MYH2: variants seen among roughly 807,000 people sequenced by gnomAD.
MYH2 encodes myosin-2.
Under a neutral mutation model 228.1 loss-of-function variants are expected in MYH2, and 139 were observed. The ratio of observed to expected loss-of-function variants is 0.61; its 90% CI spans 0.53 to 0.70. The LOEUF (loss-of-function observed/expected upper bound fraction) is 0.70, where lower values mean the gene tolerates loss of function less well. MYH2 is among the 30% of genes least tolerant of loss of function. The pLI, the probability that MYH2 is intolerant of heterozygous loss-of-function variation, is 0.00. For missense variants in MYH2, 1,809 were observed against 2,357.5 expected (o/e 0.77, Z 4.82); for synonymous variants, 796 against 871.1 (o/e 0.91, Z 1.52).
chr17:10,542,256 A>G (rs1046521516), intron 10 of MYH2, among the ~76,000 whole-genome samples: 4 of 149,578 alleles, frequency 2.7e-5, no homozygotes, highest in Non-Finnish European at 5.9e-5. Flanking sequence ...CCTGGGTGAC[A>G]AAGTGAGACT....
intron 4 of MYH2, among the ~76,000 whole-genome samples, chr17:10,546,929 GA>G (rs35429711): frequency 0.058 from 8,326 of 143,490 alleles, 265 homozygotes; most frequent in South Asian, 0.13. Flanking sequence ...AAAAAAATAC[GA>G]AAAAAAAAAA....
At chr17:10,530,327 G>T (rs1264346742) in intron 22 of MYH2, among the ~76,000 whole-genome samples, 2 of 152,188 alleles carry the variant, frequency 1.3e-5, no homozygotes, top group African/African-American at 2.4e-5. Flanking sequence ...TTTCCCAAAA[G>T]CTACCATTAA....
intron 39 of MYH2, among the ~76,000 whole-genome samples, chr17:10,522,539 AC>A (rs2073296919): frequency 1.3e-5 from 2 of 152,086 alleles, no homozygotes; most frequent in African/African-American, 4.8e-5. Flanking sequence ...AGTACTTCTT[AC>A]TTCTACTGTT....
rs759285714 is a variant in MYH2, at chr17:10,529,390, T to C, written c.3209A>G (p.Glu1070Gly). ...KLEGDLKLAQ[E>G]SIMDIENEKQ... ...CTCATTTTCAATGTCCATTATGGAT[T>C]CTTGGGCCAACTTCAAGTCACCCTC... Residue 1070 changes from glutamate (E) to glycine (G), a missense_variant, in exon 25 of 40, where the codon GAA (glutamate) becomes GGA (glycine). Around this residue, in one of 9 missense-constraint regions of MYH2, gnomAD observed 636 missense variants for 729.9 expected, o/e 0.87. Transcript: ENST00000245503. 1 of 1,614,188 alleles carries C rather than the reference T, an allele frequency of 6.2e-7. No homozygotes were observed. Among genetic ancestry groups the C allele is most frequent in the Non-Finnish European group, 8.5e-7 (1 of 1,180,038 alleles).
At chr17:10,545,240 C>T in intron 5 of MYH2, 106 bp downstream of exon 5, 1 of 1,601,498 alleles carries the variant, frequency 6.2e-7, no homozygotes, top group Non-Finnish European at 8.5e-7. Flanking sequence ...CCAGCCTCAA[C>T]TAAAAGGGAC....
At chr17:10,540,720 AG>A in intron 10 of MYH2, 23 bp from the exon 11 acceptor site, 1 of 1,527,928 alleles carries the variant, frequency 6.5e-7, no homozygotes, top group Non-Finnish European at 9.1e-7. Flanking sequence ...AACAGAACAA[AG>A]ATAAACATAA....
At chr17:10,526,876 A>T (rs1244184859) in intron 29 of MYH2, 62 bp downstream of exon 29, 1 of 1,613,374 alleles carries the variant, frequency 6.2e-7, no homozygotes. Context: ...GAAAGCTGGT[A>T]TAACAGGCTC....
At position 10,521,189 on chromosome 17, in the gene MYH2, AG is replaced by A; in HGVS notation, c.*90del. ...CCCTATGCTTTATTTCCTTTGCAAC[AG>A]GGTAGAATACACAATAATTACAGAG... On this transcript the variant is annotated 3_prime_UTR_variant, in exon 40 of 40. Coordinates refer to ENST00000245503, the MANE Select transcript of MYH2 (RefSeq NM_017534.6). 1 of 1,458,960 alleles carries A rather than the reference AG, an allele frequency of 6.9e-7. No individual in the cohort carries two copies. The highest frequency in any genetic ancestry group is 9.6e-7 in the Non-Finnish European group (1 of 1,041,654). The allele number at this position is 1,458,960 out of a possible 1,614,324, so 90.4% of individuals were successfully genotyped here.
rs1177629987 is a variant in MYH2, at chr17:10,524,452, G to C, written c.5175+14C>G. 1.2e-6 allele frequency: 2 copies of C among 1,614,056 alleles called. No homozygotes were observed. On this transcript the variant is annotated intron_variant, in intron 35 of 39. Transcript: ENST00000245503. The surrounding 1 kb of genome is among the most constrained non-coding windows in gnomAD (Gnocchi z 4.7). Reference sequence around the variant, plus strand: ...TAAAATTTACTAAGGAGAGTTCTTTGTGCTGAATCCCACCTGGGTGTGCAG... The same window carrying C: ...TAAAATTTACTAAGGAGAGTTCTTTCTGCTGAATCCCACCTGGGTGTGCAG...
intron 8 of MYH2, 27 bp from the exon 9 acceptor site, chr17:10,543,188 C>T (rs944045928): frequency 2.6e-6 from 4 of 1,513,174 alleles, no homozygotes; most frequent in South Asian, 1.2e-5. Flanking sequence ...ATATTACTAC[C>T]TTTTTTTTAT....
rs560741797 is a variant in MYH2, at chr17:10,533,392, G to T, written c.2334C>A (p.Leu778=). The change falls in exon 21 of 40, where the codon CTC becomes CTA. Residue 778 remains leucine (L), a synonymous_variant. Transcript: ENST00000245503. ...GCTTGTCATCTCGCATCTCCTCTAGGAGCCCCAGAAGACCAGCTTTGAAAA... is the reference window on the plus strand; with the variant it reads ...GCTTGTCATCTCGCATCTCCTCTAGTAGCCCCAGAAGACCAGCTTTGAAAA... ...KVFFKAGLLG[L]LEEMRDDKLA... is the part of the protein sequence containing the mutation. The T allele has an allele frequency of 1.9e-6, 3 of 1,614,160 alleles. 1 individual carries two copies. In the Admixed American group the frequency reaches 5.0e-5, roughly 27 times the overall value.
Position 10,524,456 on chromosome 17 carries a change from T to C in MYH2, c.5175+10A>G. 1 of 1,614,126 alleles carries C rather than the reference T, an allele frequency of 6.2e-7. No individual in the cohort carries two copies. The highest frequency in any genetic ancestry group is 8.5e-7 in the Non-Finnish European group (1 of 1,179,958). On this transcript the variant is annotated intron_variant, in intron 35 of 39. Coordinates refer to ENST00000245503, the MANE Select transcript of MYH2 (RefSeq NM_017534.6). The surrounding 1 kb of genome is among the most constrained non-coding windows in gnomAD (Gnocchi z 4.7). ...ATTTACTAAGGAGAGTTCTTTGTGCTGAATCCCACCTGGGTGTGCAGTAGC... is the reference window on the plus strand; with the variant it reads ...ATTTACTAAGGAGAGTTCTTTGTGCCGAATCCCACCTGGGTGTGCAGTAGC...
chr17:10,540,353 C>T (rs1261073316), intron 11 of MYH2, among the ~76,000 whole-genome samples: 1 of 39,326 alleles, frequency 2.5e-5, no homozygotes, highest in East Asian at 6.7e-4. Flanking sequence ...TAATGCAAGT[C>T]AATTGCAAAA....
chr17:10,521,470 GC>G (rs1356412870), intron 39 of MYH2, 38 bp from the exon 40 acceptor site: 1 of 1,605,858 alleles, frequency 6.2e-7, no homozygotes, highest in Non-Finnish European at 8.5e-7. Context: ...ACTCATACTT[GC>G]ATCTTTCTAG....
chr17:10,541,268 C>A (rs182550314), intron 10 of MYH2, among the ~76,000 whole-genome samples: 1 of 152,272 alleles, frequency 6.6e-6, no homozygotes, highest in East Asian at 1.9e-4. Context: ...GAAGAAATAT[C>A]GCTGAATTCT....
Position 10,529,367 on chromosome 17 carries a change from C to T in MYH2, c.3232G>A (p.Glu1078Lys). 2 of 1,614,068 alleles carry T rather than the reference C, an allele frequency of 1.2e-6. No homozygotes were observed. The highest frequency in any genetic ancestry group is 1.7e-6 in the Non-Finnish European group (2 of 1,180,022). The change falls in exon 25 of 40, where the codon GAG becomes AAG. Residue 1078 changes from glutamate (E) to lysine (K), a missense_variant. Transcript: ENST00000245503. The part of the protein sequence containing the change: ...AQESIMDIEN[E>K]KQQLDEKLKK... ...AGCTTTTCATCAAGTTGCTGTTTCT[C>T]ATTTTCAATGTCCATTATGGATTCT...
Position 10,535,343 on chromosome 17 carries a change from G to T in MYH2, c.1997C>A (p.Thr666Asn). ...LFRENLNKLMTNLRSTHPHFV... is the reference protein window; with the variant it reads ...LFRENLNKLMNNLRSTHPHFV... The stretch of plus-strand genomic sequence containing the variant: ...GTGAGGATGGGTACTCCTGAGGTTG[G>T]TCATCAGCTTGTTCAAATTCTCCTG... The change falls in exon 18 of 40, where the codon ACC becomes AAC. Residue 666 changes from threonine (T) to asparagine (N), a missense_variant. This residue lies in a region of MYH2 where 276 missense variants were observed against 344.2 expected (regional missense o/e 0.80). Transcript: ENST00000245503. 1 of 1,614,110 alleles carries T rather than the reference G, an allele frequency of 6.2e-7. No homozygotes were observed. Among genetic ancestry groups the T allele is most frequent in the Non-Finnish European group, 8.5e-7 (1 of 1,180,010 alleles).
intron 14 of MYH2, 32 bp downstream of exon 14, chr17:10,539,173 A>G (rs2073519937): frequency 1.9e-6 from 3 of 1,613,864 alleles, no homozygotes; most frequent in Non-Finnish European, 2.5e-6. Context: ...GCCTTACTGT[A>G]AAATCCTCTC....
At position 10,528,784 on chromosome 17, in the gene MYH2, T is replaced by A; in HGVS notation, c.3650A>T (p.Gln1217Leu). 7 of 1,614,214 alleles carry A rather than the reference T, an allele frequency of 4.3e-6. No homozygotes were observed. The highest frequency in any genetic ancestry group is 5.1e-6 in the Non-Finnish European group (6 of 1,180,028). The change falls in exon 27 of 40, where the codon CAG (glutamine) becomes CTG (leucine). Residue 1217 changes from glutamine to leucine, a missense_variant. Transcript: ENST00000245503. Reference sequence around the variant, plus strand: ...CTTCTCCAGCTTCTGCTTCACTCGCTGCAGGTTGTCAATCTGCTCCCCAAG... The same window carrying A: ...CTTCTCCAGCTTCTGCTTCACTCGCAGCAGGTTGTCAATCTGCTCCCCAAG... ...AELGEQIDNL[Q>L]RVKQKLEKEK...
Sources: allele counts gnomAD v4.1 joint callset (sites outside exome capture counted in the v4.1 genomes callset), GRCh38; gene constraint gnomAD v4.1.1; regional missense constraint gnomAD v4.1.1; non-coding constraint Gnocchi (gnomAD v3.1); transcripts MANE v1.5; gene names NCBI Gene and HGNC (gene_info 2026-07-23, HGNC 2026-07-21).